The following YWHAZ variants were observed in gnomAD, a reference collection of about 807,000 sequenced individuals.
The protein encoded by YWHAZ is 14-3-3 protein zeta/delta.
For missense variants in YWHAZ, 79 were observed against 284.8 expected, an observed-to-expected ratio of 0.28 and a Z score of 5.20; for synonymous variants, 87 against 103.6, an observed-to-expected ratio of 0.84 and a Z score of 0.97.
At chr8:100,951,511 G>A (rs986853820) in intron 1 of YWHAZ, 4 of 985,556 alleles carry the variant, frequency 4.1e-6, no homozygotes, top group African/African-American at 3.5e-5. Context: ...TCGGGCGGAA[G>A]CGAGAAGGGC....
chr8:100,923,163 G>A (rs1322810729), intron 5 of YWHAZ: 2 of 152,128 alleles, frequency 1.3e-5, no homozygotes, highest in African/African-American at 4.8e-5. Context: ...GGCCCTAGAA[G>A]TCTAACAAAA....
At chr8:100,925,545 C>T (rs1442816857) in intron 2 of YWHAZ, among the ~76,000 whole-genome samples, 1 of 152,126 alleles carries the variant, frequency 6.6e-6, no homozygotes, top group African/African-American at 2.4e-5. Flanking sequence ...TATAACAACA[C>T]AATTCAAGCA....
chr8:100,934,157 CAAAAAAAAA>C (rs35069019), intron 2 of YWHAZ, among the ~76,000 whole-genome samples: 58 of 78,202 alleles, frequency 7.4e-4, no homozygotes, highest in African/African-American at 2.4e-3. Context: ...AGACTCGTCT[CAAAAAAAAA>C]AAAAAAAAAA....
upstream of YWHAZ, chr8:100,952,890 C>T: frequency 2.0e-6 from 2 of 1,000,302 alleles, no homozygotes; most frequent in Non-Finnish European, 1.2e-6. Flanking sequence ...TTTTATGGCT[C>T]GGAAACGGGA....
intron 1 of YWHAZ, chr8:100,950,999 C>T (rs1810709591): frequency 6.8e-6 from 2 of 294,904 alleles, no homozygotes; most frequent in Non-Finnish European, 1.0e-5. Flanking sequence ...TGCGGGCTCA[C>T]CACCCTGTTC....
chr8:100,950,119 A>C (rs1397644335), intron 1 of YWHAZ, among the ~76,000 whole-genome samples: 1 of 152,190 alleles, frequency 6.6e-6, no homozygotes, highest in Non-Finnish European at 1.5e-5. Context: ...CAAATAATTA[A>C]CCACTTTGGA....
chr8:100,925,720 ACAT>A (rs1215716654), intron 2 of YWHAZ, among the ~76,000 whole-genome samples: 2 of 152,198 alleles, frequency 1.3e-5, no homozygotes, highest in African/African-American at 4.8e-5. Context: ...TAAAATTAAA[ACAT>A]CATCCTATAA....
intron 2 of YWHAZ, among the ~76,000 whole-genome samples, chr8:100,928,910 G>C (rs1379981688): frequency 6.6e-6 from 1 of 152,100 alleles, no homozygotes; most frequent in African/African-American, 2.4e-5. Context: ...ATTAAATTTA[G>C]CAAGAGGGAA....
chr8:100,953,364 G>C (rs1810932451), upstream of YWHAZ: 1 of 985,544 alleles, frequency 1.0e-6, no homozygotes. Flanking sequence ...GATGAGCCGG[G>C]ACGGGAGCCC....
At position 100,918,442 on chromosome 8, in the gene YWHAZ, AT is replaced by A. The variant is rs773402351; in HGVS notation, c.*2250del. ...TATATATATATATATATATATATATATAATTATTTTACCTCCTTGGCTTGGG... is the reference window on the plus strand; with the variant it reads ...TATATATATATATATATATATATATAAATTATTTTACCTCCTTGGCTTGGG... On this transcript the variant is annotated 3_prime_UTR_variant, in exon 6 of 6. Coordinates refer to ENST00000395958, the MANE Select transcript of YWHAZ (RefSeq NM_145690.3). The A allele has an allele frequency of 6.5e-4, 75 of 115,916 alleles. No homozygotes were observed. The highest frequency in any genetic ancestry group is 1.7e-3 in the African/African-American group (51 of 29,942). The allele number at this position is 115,916 out of a possible 1,614,324, so 7.2% of individuals were successfully genotyped here.
intron 2 of YWHAZ, among the ~76,000 whole-genome samples, chr8:100,947,687 A>G (rs1032043194): frequency 6.6e-6 from 1 of 152,252 alleles, no homozygotes; most frequent in Non-Finnish European, 1.5e-5. Flanking sequence ...AACAAGGTTC[A>G]TATAGTAAGT....
chr8:100,945,478 CA>C lies in YWHAZ; in HGVS notation c.294+3117del, dbSNP rs201382990. The stretch of plus-strand genomic sequence containing the variant: ...CCACAAGCCAATACTATTATTTCTG[CA>C]AAGGGACACCTGCTTATTTTTCTCA... On this transcript the variant is annotated intron_variant, in intron 2 of 5. Transcript: ENST00000395958. 1.8e-3 allele frequency among the ~76,000 whole-genome samples: 270 copies of C among 152,144 alleles called. 6 individuals are homozygous for C. The East Asian group carries it at 0.047, about 26-fold the overall frequency.
Position 100,924,006 on chromosome 8 carries a change from C to T in YWHAZ, c.627G>A (p.Glu209=). Residue 209 remains glutamate, a synonymous_variant, in exon 5 of 6, where the codon GAG becomes GAA. Transcript: ENST00000395958. This position sits in a 1 kb window ranked among gnomAD's most constrained non-coding sequence, Gnocchi z 5.7. ...AIAELDTLSE[E]SYKDSTLIMQ... is the part of the protein sequence containing the mutation. ...TTATTAGCGTGCTGTCTTTGTATGACTCTTCACTTAATGTATCAAGTTCAG... is the reference window on the plus strand; with the variant it reads ...TTATTAGCGTGCTGTCTTTGTATGATTCTTCACTTAATGTATCAAGTTCAG... 1.9e-6 allele frequency: 3 copies of T among 1,613,216 alleles called. No individual in the cohort carries two copies. Among genetic ancestry groups the T allele is most frequent in the Non-Finnish European group, 2.5e-6 (3 of 1,179,720 alleles).
At position 100,920,259 on chromosome 8, in the gene YWHAZ, G is replaced by A. The variant is rs1480546471; in HGVS notation, c.*434C>T. The A allele has an allele frequency of 5.9e-6, 1 of 170,732 alleles. No individual in the cohort carries two copies. Among genetic ancestry groups the A allele is most frequent in the Non-Finnish European group, 1.3e-5 (1 of 79,162 alleles). 10.6% of individuals were successfully genotyped at this position (170,732 alleles called of 1,614,324 possible). A position where few individuals can be genotyped will look rare whatever the true frequency, so the allele number is the denominator to read the frequency against. On this transcript the variant is annotated 3_prime_UTR_variant, in exon 6 of 6. Coordinates refer to ENST00000395958, the MANE Select transcript of YWHAZ (RefSeq NM_145690.3). ...TGGGGTATGATTCTACCACAGCCTT[G>A]TAAGTGCTCCAAACCTTAAAGTACC...
At chr8:100,950,677 G>C in intron 1 of YWHAZ, 1 of 869,280 alleles carries the variant, frequency 1.2e-6, no homozygotes, top group Non-Finnish European at 1.4e-6. Context: ...GGAGAGATGG[G>C]GAGCGAAGCC....
chr8:100,951,351 G>T, intron 1 of YWHAZ: 1 of 984,726 alleles, frequency 1.0e-6, no homozygotes, highest in Non-Finnish European at 1.2e-6. Flanking sequence ...GCCTCCCGGG[G>T]TGGGGGAGGG....
Sources: allele counts gnomAD v4.1 joint callset (sites outside exome capture counted in the v4.1 genomes callset), GRCh38; gene constraint gnomAD v4.1.1; non-coding constraint Gnocchi (gnomAD v3.1); transcripts MANE v1.5; gene names NCBI Gene and HGNC (gene_info 2026-07-23, HGNC 2026-07-21).